NOP2: variants seen among roughly 807,000 people sequenced by gnomAD.
NOP2 encodes NOP2 nucleolar protein, also known as 28S rRNA (cytosine(4447)-C(5))-methyltransferase.
Under a neutral mutation model 72.7 loss-of-function variants are expected in NOP2, and 7 were observed. The observed-to-expected ratio is 0.10, with a 90% confidence interval of 0.05 to 0.18. The LOEUF (loss-of-function observed/expected upper bound fraction) is 0.18, where lower values mean the gene tolerates loss of function less well. NOP2 is among the 10% of genes least tolerant of loss of function. NOP2 has a pLI of 1.00. For missense variants in NOP2, 954 were observed against 1,014.7 expected, an observed-to-expected ratio of 0.94 and a Z score of 0.81; for synonymous variants, 387 against 388.0, an observed-to-expected ratio of 1.00 and a Z score of 0.03.
At chr12:6,558,140 C>CAAA (rs1186896591) in intron 15 of NOP2, 2,365 of 174,068 alleles carry the variant, frequency 0.014, 28 homozygotes, top group African/African-American at 0.026. Flanking sequence ...GACACCGTCT[C>CAAA]AAAAAAAAAA....
At chr12:6,562,964 C>CA in intron 9 of NOP2, 117 bp downstream of exon 9, 2 of 1,019,774 alleles carry the variant, frequency 2.0e-6, no homozygotes, top group South Asian at 2.7e-5. Context: ...TTTGCCCCCC[C>CA]AGGATCATGC....
chr12:6,563,825 C>G, intron 6 of NOP2, 54 bp from the exon 7 acceptor site: 1 of 1,612,836 alleles, frequency 6.2e-7, no homozygotes, highest in Non-Finnish European at 8.5e-7. Context: ...GATACCTCCT[C>G]CTTCCTCACA....
At chr12:6,561,432 C>T in intron 11 of NOP2, among the ~76,000 whole-genome samples, 1 of 152,150 alleles carries the variant, frequency 6.6e-6, no homozygotes, top group East Asian at 1.9e-4. Context: ...AAGGGCCAAC[C>T]CAAGCACAAT....
At chr12:6,561,833 C>T (rs754029235) in intron 10 of NOP2, 29 bp from the exon 11 acceptor site, 33 of 1,608,594 alleles carry the variant, frequency 2.1e-5, no homozygotes, top group African/African-American at 8.0e-5. Flanking sequence ...CTGTGACATG[C>T]GGTAGGGACA....
In NOP2 at chr12:6,563,663, A is replaced by G. The variant is rs771478255; in HGVS notation, c.639T>C (p.Asn213=). 1.2e-6 allele frequency: 2 copies of G among 1,613,590 alleles called. No homozygotes were observed. The highest frequency in any genetic ancestry group is 4.5e-5 in the East Asian group (2 of 44,866). ...VEEADGGLQI[N]VDEEPFVLPP... ...GCAGCACAAATGGTTCCTCATCCAC[A>G]TTGATCTGCAGGCCCCCATCTGCCT... Residue 213 remains asparagine, a synonymous_variant, in exon 7 of 16, where the codon AAT becomes AAC. Coordinates refer to ENST00000322166, the MANE Select transcript of NOP2 (RefSeq NM_001258308.2).
At chr12:6,562,092 G>T (rs1215629609) in intron 9 of NOP2, 121 bp from the exon 10 acceptor site, 1 of 733,834 alleles carries the variant, frequency 1.4e-6, no homozygotes, top group Non-Finnish European at 2.3e-6. Context: ...AGATTCAAGC[G>T]ATTCTCTCGT....
intron 15 of NOP2, among the ~76,000 whole-genome samples, chr12:6,558,679 A>G (rs1387786023): frequency 6.8e-6 from 1 of 146,112 alleles, no homozygotes; most frequent in Non-Finnish European, 1.5e-5. Flanking sequence ...GTGCCATCAT[A>G]GCTCACTGCA....
rs751237191 is a variant in NOP2, at chr12:6,557,178, C to T, written c.2254G>A (p.Ala752Thr). The T allele has an allele frequency of 9.3e-6, 15 of 1,613,906 alleles. No homozygotes were observed. Among genetic ancestry groups the T allele is most frequent in the Non-Finnish European group, 8.5e-7 (1 of 1,179,886 alleles). ...AACTGCTGCTTCTCAACCCCCTTGG[C>T]CCTTCCAAGGGGCTGATGATGGTCC... ...PKDHHQPLGR[A>T]KGVEKQQLPE... Residue 752 changes from alanine (A) to threonine (T), a missense_variant, in exon 16 of 16, where the codon GCC becomes ACC. Transcript: ENST00000322166.
chr12:6,566,664 T>G (rs922084754), intron 3 of NOP2, 47 bp from the exon 4 acceptor site: 1 of 1,602,082 alleles, frequency 6.2e-7, no homozygotes, highest in Non-Finnish European at 8.6e-7. Flanking sequence ...GGGAAGATAC[T>G]TCCAGGCTCT....
chr12:6,559,088 GT>G (rs1947580363), intron 15 of NOP2, among the ~76,000 whole-genome samples: 1 of 152,040 alleles, frequency 6.6e-6, no homozygotes, highest in Non-Finnish European at 1.5e-5. Context: ...CTCCTGAGTA[GT>G]TGGGACTACA....
In NOP2 at chr12:6,566,274, G is replaced by A. The variant is rs774279967; in HGVS notation, c.301C>T (p.Pro101Ser). The change falls in exon 5 of 16, where the codon CCT becomes TCT. Residue 101 changes from proline to serine, a missense_variant. Around this residue, in one of 3 missense-constraint regions of NOP2, gnomAD observed 498 missense variants for 478.3 expected, o/e 1.04. Coordinates refer to ENST00000322166, the MANE Select transcript of NOP2 (RefSeq NM_001258308.2). ...KKGPQSLFNAPRGKKRPAPGS... is the reference protein window; with the variant it reads ...KKGPQSLFNASRGKKRPAPGS... Reference sequence around the variant, plus strand: ...GGTGCTGGGCGCTTCTTGCCTCGAGGAGCATTAAATAGGGACTGGGGTCCC... The same window carrying A: ...GGTGCTGGGCGCTTCTTGCCTCGAGAAGCATTAAATAGGGACTGGGGTCCC... The A allele has an allele frequency of 2.5e-6, 4 of 1,613,896 alleles. No individual in the cohort carries two copies. The highest frequency in any genetic ancestry group is 3.4e-6 in the Non-Finnish European group (4 of 1,179,874).
intron 11 of NOP2, 94 bp downstream of exon 11, chr12:6,561,570 C>A: frequency 6.6e-7 from 1 of 1,504,902 alleles, no homozygotes; most frequent in South Asian, 1.2e-5. Flanking sequence ...ACATTGTGTT[C>A]CATGAGCACT....
chr12:6,557,513 T>C lies in NOP2; in HGVS notation c.1919A>G (p.Gln640Arg), dbSNP rs377459325. 8.1e-6 allele frequency: 13 copies of C among 1,613,884 alleles called. No homozygotes were observed. The highest frequency in any genetic ancestry group is 9.3e-6 in the Non-Finnish European group (11 of 1,179,904). ...CTGGAAGGAGGCCTTCTTGGGATGT[T>C]GCTGTTTCTGCAGCTGCTGCTTTGT... ...AKTKQQLQKQ[Q>R]HPKKASFQKL... Residue 640 changes from glutamine to arginine, a missense_variant, in exon 16 of 16, where the codon CAA becomes CGA. Gln to Arg is a conservative substitution (Grantham distance 43). Transcript: ENST00000322166.
chr12:6,563,500 C>A lies in NOP2; in HGVS notation c.703G>T (p.Asp235Tyr). Residue 235 changes from aspartate (D) to tyrosine (Y), a missense_variant, in exon 8 of 16, where the codon GAC becomes TAC. Physicochemically the swap from Asp to Tyr is radical, Grantham distance 160. Transcript: ENST00000322166. ...GEMEQDAQAP[D>Y]LQRVHKRIQD... ...ATCCGCTTGTGAACTCGTTGCAGGT[C>A]TGGAGCCTGGGCATGTGGGCCTGTT... The A allele has an allele frequency of 1.2e-6, 2 of 1,612,628 alleles. No individual in the cohort carries two copies. The highest frequency in any genetic ancestry group is 1.7e-6 in the Non-Finnish European group (2 of 1,179,330).
chr12:6,558,427 G>A (rs1369944951), intron 15 of NOP2, among the ~76,000 whole-genome samples: 3 of 150,732 alleles, frequency 2.0e-5, no homozygotes, highest in Non-Finnish European at 4.4e-5. Flanking sequence ...CACCATGTCC[G>A]GCTAATTTTT....
intron 2 of NOP2, 128 bp downstream of exon 2, chr12:6,567,688 C>A (rs531247315): frequency 1.4e-6 from 1 of 702,620 alleles, no homozygotes; most frequent in South Asian, 2.0e-5. Flanking sequence ...TTCATTCATA[C>A]CTCCTAGTAA....
rs199554499 is a variant in NOP2 at position 6,563,451 on chromosome 12, C to T, written c.752G>A (p.Arg251His). Reference sequence around the variant, plus strand: ...TTCCTCCCGCTGAGCCCCAAAATCACGCAGAATTCCCACAATATCCTGGAT... The same window carrying T: ...TTCCTCCCGCTGAGCCCCAAAATCATGCAGAATTCCCACAATATCCTGGAT... ...KRIQDIVGIL[R>H]DFGAQREEGR... Residue 251 changes from arginine (R) to histidine (H), a missense_variant, in exon 8 of 16, where the codon CGT (arginine) becomes CAT (histidine). Physicochemically the swap from Arg to His is conservative, Grantham distance 29. Transcript: ENST00000322166. 18 of 1,611,262 alleles carry T rather than the reference C, an allele frequency of 1.1e-5. No homozygotes were observed. The highest frequency in any genetic ancestry group is 8.4e-5 in the Admixed American group (5 of 59,580).
In NOP2 at chr12:6,566,760, T is replaced by G. The variant is rs145237010; in HGVS notation, c.149+17A>C. On this transcript the variant is annotated intron_variant, in intron 3 of 15. Transcript: ENST00000322166. Reference sequence around the variant, plus strand: ...AGTACCAATTTAACCTACTTAAGTTTTGACACCCACACTTACCTCTTTCGA... The same window carrying G: ...AGTACCAATTTAACCTACTTAAGTTGTGACACCCACACTTACCTCTTTCGA... The G allele has an allele frequency of 1.5e-5, 24 of 1,613,028 alleles. No homozygotes were observed. The African/African-American group carries it at 3.1e-4, about 21-fold the overall frequency.
intron 11 of NOP2, 92 bp from the exon 12 acceptor site, chr12:6,561,162 G>GTCA: frequency 6.6e-7 from 1 of 1,514,454 alleles, no homozygotes; most frequent in Non-Finnish European, 9.0e-7. Context: ...CATGAGAAGT[G>GTCA]TCATCACCTC....
Sources: gnomAD v4.1 joint callset for allele counts (sites outside exome capture counted in the v4.1 genomes callset) on GRCh38, gnomAD v4.1.1 for gene constraint, gnomAD v4.1.1 regional missense constraint, MANE v1.5 for transcripts, NCBI Gene and HGNC (gene_info 2026-07-23, HGNC 2026-07-21) for gene names.